GRM1: variants seen among roughly 807,000 people sequenced by gnomAD.
GRM1 encodes the protein glutamate metabotropic receptor 1.
In GRM1, 33 loss-of-function variants were observed where a neutral mutation model predicts 90.9. The observed-to-expected ratio is 0.36, with a 90% CI of 0.28 to 0.49. The LOEUF is 0.49. Ranked by LOEUF, GRM1 falls within the 20% of genes least tolerant of loss-of-function variation. The probability of loss-of-function intolerance (pLI) is 0.99; values close to 1 mark genes in which losing one functional copy is unlikely to be tolerated. For missense variants in GRM1, 1,190 were observed against 1,534.3 expected (o/e 0.78, Z 3.75); for synonymous variants, 700 against 613.2 (o/e 1.14, Z -2.09).
At chr6:146,097,421 A>G (rs573036792) in intron 1 of GRM1, among the ~76,000 whole-genome samples, 1 of 152,324 alleles carries the variant, frequency 6.6e-6, no homozygotes, top group African/African-American at 2.4e-5. Flanking sequence ...ACAGGGTAGG[A>G]AGTACCTAAA....
intron 3 of GRM1, among the ~76,000 whole-genome samples, chr6:146,324,470 A>C (rs1240043434): frequency 6.6e-6 from 1 of 151,886 alleles, no homozygotes; most frequent in African/African-American, 2.4e-5. Flanking sequence ...AAATAAATAA[A>C]ATTTAAAAAA....
At chr6:146,111,593 G>T (rs1403312759) in intron 1 of GRM1, among the ~76,000 whole-genome samples, 1 of 152,176 alleles carries the variant, frequency 6.6e-6, no homozygotes, top group Non-Finnish European at 1.5e-5. Flanking sequence ...CTTGACTGAC[G>T]TGTAAAGCCA....
Position 146,434,889 on chromosome 6 carries a change from G to A in GRM1, c.*93G>A, listed in dbSNP as rs972871768. On this transcript the variant is annotated 3_prime_UTR_variant, in exon 8 of 8. Coordinates refer to ENST00000282753, the MANE Select transcript of GRM1 (RefSeq NM_001278064.2). Reference sequence around the variant, plus strand: ...CAGCTGGGAGGAAAAGCCTGGGAGTGGGGGGCCTCGTCGGGAGGACAGGAG... The same window carrying A: ...CAGCTGGGAGGAAAAGCCTGGGAGTAGGGGGCCTCGTCGGGAGGACAGGAG... 3.6e-6 allele frequency: 4 copies of A among 1,119,544 alleles called. No homozygotes were observed. In the African/African-American group the frequency reaches 4.6e-5, roughly 13 times the overall value. 69.4% of individuals were successfully genotyped at this position (1,119,544 alleles called of 1,614,324 possible).
chr6:146,321,177 G>C (rs1784176458), intron 3 of GRM1, among the ~76,000 whole-genome samples: 1 of 152,086 alleles, frequency 6.6e-6, no homozygotes, highest in Non-Finnish European at 1.5e-5. Context: ...TTTTGCCTTT[G>C]TTCTCATTGG....
At chr6:146,069,027 T>C (rs1204064128) in intron 1 of GRM1, among the ~76,000 whole-genome samples, 1 of 152,220 alleles carries the variant, frequency 6.6e-6, no homozygotes, top group Non-Finnish European at 1.5e-5. Flanking sequence ...GCTTCTAAAT[T>C]CCTAAATATC....
intron 5 of GRM1, among the ~76,000 whole-genome samples, chr6:146,375,450 T>G (rs1776059539): frequency 6.6e-6 from 1 of 152,052 alleles, no homozygotes. Flanking sequence ...GTTTCTTTGT[T>G]GATTTTCTGA....
chr6:146,424,431 G>A (rs573838784), intron 7 of GRM1, among the ~76,000 whole-genome samples: 41 of 152,336 alleles, frequency 2.7e-4, no homozygotes, highest in East Asian at 9.6e-4. Context: ...ACAAGAGTCC[G>A]AAAATCCCAA....
intron 1 of GRM1, among the ~76,000 whole-genome samples, chr6:146,123,619 C>T (rs1316614838): frequency 6.6e-6 from 1 of 152,202 alleles, no homozygotes; most frequent in Non-Finnish European, 1.5e-5. Flanking sequence ...CCATCCAATA[C>T]CCAACTGTGC....
chr6:146,299,976 G>T (rs1783315121), intron 2 of GRM1, among the ~76,000 whole-genome samples: 1 of 152,150 alleles, frequency 6.6e-6, no homozygotes, highest in Non-Finnish European at 1.5e-5. Flanking sequence ...AATGTCAAAT[G>T]AATATGACAC....
chr6:146,233,817 A>G (rs947253574), intron 2 of GRM1, among the ~76,000 whole-genome samples: 4 of 152,134 alleles, frequency 2.6e-5, no homozygotes, highest in Admixed American at 1.3e-4. Flanking sequence ...AGACCAAGCT[A>G]GGTCAGAGTG....
intron 2 of GRM1, among the ~76,000 whole-genome samples, chr6:146,277,889 G>T (rs1407489447): frequency 6.6e-6 from 1 of 151,924 alleles, no homozygotes; most frequent in East Asian, 1.9e-4. Context: ...ACTTCAGAAA[G>T]CTTTCCTAAA....
intron 1 of GRM1, among the ~76,000 whole-genome samples, chr6:146,045,875 G>A (rs571060739): frequency 6.6e-6 from 1 of 151,166 alleles, no homozygotes; most frequent in Admixed American, 6.6e-5. Flanking sequence ...ACATTTACTG[G>A]CAATTAAAGC....
intron 1 of GRM1, among the ~76,000 whole-genome samples, chr6:146,054,344 A>G (rs1775405852): frequency 6.6e-6 from 1 of 152,092 alleles, no homozygotes; most frequent in African/African-American, 2.4e-5. Flanking sequence ...CAAGCATCAT[A>G]TATTTTCTCT....
intron 2 of GRM1, among the ~76,000 whole-genome samples, chr6:146,244,939 A>G (rs1003643593): frequency 2.0e-5 from 3 of 152,220 alleles, no homozygotes; most frequent in African/African-American, 7.2e-5. Context: ...GCAGTTAGCT[A>G]TTGCAAATTT....
At chr6:146,058,046 T>C (rs1421373658) in intron 1 of GRM1, among the ~76,000 whole-genome samples, 1 of 152,106 alleles carries the variant, frequency 6.6e-6, no homozygotes, top group Admixed American at 6.6e-5. Context: ...TTAATATTCA[T>C]TTTTTCCGTC....
At chr6:146,079,483 G>T (rs905211389) in intron 1 of GRM1, among the ~76,000 whole-genome samples, 1 of 152,106 alleles carries the variant, frequency 6.6e-6, no homozygotes, top group Non-Finnish European at 1.5e-5. Context: ...TTTTGTGTTT[G>T]TTTTTAAGTT....
chr6:146,184,697 C>A (rs905737194), intron 2 of GRM1, among the ~76,000 whole-genome samples: 1 of 152,064 alleles, frequency 6.6e-6, no homozygotes, highest in Non-Finnish European at 1.5e-5. Context: ...AAACTTAAAT[C>A]GATAAACATT....
intron 6 of GRM1, among the ~76,000 whole-genome samples, chr6:146,394,934 T>C (rs1223244379): frequency 6.6e-6 from 1 of 152,152 alleles, no homozygotes; most frequent in African/African-American, 2.4e-5. Context: ...AAATGAAGCA[T>C]GAGCTGGACA....
At chr6:146,113,598 G>T (rs1775639911) in intron 1 of GRM1, among the ~76,000 whole-genome samples, 1 of 152,168 alleles carries the variant, frequency 6.6e-6, no homozygotes, top group African/African-American at 2.4e-5. Flanking sequence ...GTGTAGTGCA[G>T]TACAGCGTTT....
Sources: gnomAD v4.1 joint callset for allele counts (sites outside exome capture counted in the v4.1 genomes callset) on GRCh38, gnomAD v4.1.1 for gene constraint, MANE v1.5 for transcripts, NCBI Gene and HGNC (gene_info 2026-07-23, HGNC 2026-07-21) for gene names.